Variants in PDPR observed in about 807,000 individuals in gnomAD.
PDPR encodes the protein pyruvate dehydrogenase phosphatase regulatory subunit, mitochondrial.
PDPR carries 50 observed loss-of-function variants against 102.2 expected under a neutral mutation model. That is an observed-to-expected ratio of 0.49 (90% CI 0.39 to 0.62). The LOEUF is 0.62. Ranked by LOEUF, PDPR falls within the 20% of genes least tolerant of loss-of-function variation. The pLI, the probability that PDPR is intolerant of heterozygous loss-of-function variation, is 0.00. For missense variants in PDPR, 625 were observed against 1,098.2 expected, an observed-to-expected ratio of 0.57 and a Z score of 6.09; for synonymous variants, 259 against 406.0, an observed-to-expected ratio of 0.64 and a Z score of 4.35.
Position 70,153,437 on chromosome 16 carries a change from AC to A in PDPR, c.2100del (p.Tyr700Ter), listed in dbSNP as rs1302946117. ...YNEVMSVGQK[Y>X]GIRNAGYYAL... ...GAAGTGATGAGTGTTGGCCAGAAAT[AC>A]GGAATCCGGAATGCTGGGTATTACG... is the stretch of plus-strand genomic sequence containing the variant. On this transcript the variant is annotated frameshift_variant, in exon 18 of 19. Transcript: ENST00000288050. LOFTEE classifies it high-confidence loss of function. The A allele has an allele frequency of 6.2e-7, 1 of 1,613,958 alleles. No homozygotes were observed. Among genetic ancestry groups the A allele is most frequent in the Non-Finnish European group, 8.5e-7 (1 of 1,179,872 alleles).
rs574798043 is a variant in PDPR at position 70,130,627 on chromosome 16, T to G, written c.729+83T>G. On this transcript the variant is annotated intron_variant, in intron 7 of 18. Transcript: ENST00000288050. Reference sequence around the variant, plus strand: ...GTGTAGAGAAGTAAGATTAGTATTGTGATTGGTTATACAGATATCAGTAAC... The same window carrying G: ...GTGTAGAGAAGTAAGATTAGTATTGGGATTGGTTATACAGATATCAGTAAC... The G allele has an allele frequency of 1.5e-3, 2,335 of 1,547,214 alleles. No individual in the cohort carries two copies. In the African/African-American group the frequency reaches 0.028, roughly 19 times the overall value.
chr16:70,143,717 T>TGTA (rs2152107568), intron 14 of PDPR, 59 bp downstream of exon 14: 2 of 1,562,418 alleles, frequency 1.3e-6, no homozygotes, highest in African/African-American at 2.7e-5. Flanking sequence ...TTAGGGGTGC[T>TGTA]GTAGCAGAGG....
chr16:70,156,683 G>T lies in PDPR; in HGVS notation c.2444G>T (p.Gly815Val). 6.2e-7 allele frequency: 1 copy of T among 1,614,024 alleles called. No homozygotes were observed. Among genetic ancestry groups the T allele is most frequent in the Non-Finnish European group, 8.5e-7 (1 of 1,179,914 alleles). ...AGCCTGGAGCGCCACGTTTGCCTGG[G>T]CTTTGTGCACAATTTTTCTGAGGAC... ...SYSLERHVCL[G>V]FVHNFSEDTG... Residue 815 changes from glycine (G) to valine (V), a missense_variant, in exon 19 of 19, where the codon GGC becomes GTC. Physicochemically the swap from Gly to Val is moderately radical, Grantham distance 109. Coordinates refer to ENST00000288050, the MANE Select transcript of PDPR (RefSeq NM_017990.5).
intron 2 of PDPR, among the ~76,000 whole-genome samples, chr16:70,117,585 G>T (rs1962776273): frequency 1.3e-5 from 2 of 152,102 alleles, no homozygotes; most frequent in East Asian, 3.9e-4. Flanking sequence ...GGGGAGAGGT[G>T]GCAGGAACCA....
At position 70,150,273 on chromosome 16, in the gene PDPR, T is replaced by G. The variant is rs554489049; in HGVS notation, c.2052+1720T>G. On this transcript the variant is annotated intron_variant, in intron 17 of 18. Coordinates refer to ENST00000288050, the MANE Select transcript of PDPR (RefSeq NM_017990.5). ...CGCCTGCCACCACACCCGACTAATT[T>G]TTGTATTTTTAGTAGAGACAGGATT... Among the ~76,000 whole-genome samples the G allele has an allele frequency of 1.8e-4, 27 of 152,028 alleles. 1 individual carries two copies. Among genetic ancestry groups the G allele is most frequent in the Non-Finnish European group, 2.6e-4 (18 of 67,994 alleles).
intron 10 of PDPR, among the ~76,000 whole-genome samples, chr16:70,136,821 C>T (rs1209935664): frequency 1.3e-5 from 2 of 152,220 alleles, no homozygotes; most frequent in East Asian, 1.9e-4. Flanking sequence ...CAGGTCACTG[C>T]AACCTCCACC....
intron 2 of PDPR, chr16:70,120,250 C>G (rs560359278): frequency 2.8e-5 from 12 of 436,342 alleles, no homozygotes. Flanking sequence ...CGGGGTTTCA[C>G]TGTGTTAGCC....
intron 3 of PDPR, among the ~76,000 whole-genome samples, chr16:70,124,841 A>G (rs1279863373): frequency 2.6e-5 from 4 of 152,250 alleles, no homozygotes; most frequent in Non-Finnish European, 5.9e-5. Context: ...AACTCAAGTG[A>G]CAGGCATGCT....
In PDPR at chr16:70,159,504, T is replaced by G. The variant is rs1486146836; in HGVS notation, c.*2625T>G. ...GATTTCTCTTCTAGCACTTTAGAGT[T>G]GATCCTTGAAGTCTCTCCTGGTTCA... On this transcript the variant is annotated 3_prime_UTR_variant, in exon 19 of 19. Coordinates refer to ENST00000288050, the MANE Select transcript of PDPR (RefSeq NM_017990.5). 6.5e-6 allele frequency: 1 copy of G among 152,816 alleles called. No individual in the cohort carries two copies. The highest frequency in any genetic ancestry group is 2.4e-5 in the African/African-American group (1 of 41,498). The allele number at this position is 152,816 out of a possible 1,614,324, so 9.5% of individuals were successfully genotyped here.
At chr16:70,121,689 CAAA>C (rs145401299) in intron 3 of PDPR, among the ~76,000 whole-genome samples, 1 of 141,210 alleles carries the variant, frequency 7.1e-6, no homozygotes, top group Admixed American at 7.4e-5. Flanking sequence ...GAGACTGTCT[CAAA>C]AAAAAAAAAA....
At chr16:70,127,623 A>C (rs1343118261) in intron 4 of PDPR, among the ~76,000 whole-genome samples, 2 of 152,232 alleles carry the variant, frequency 1.3e-5, no homozygotes, top group East Asian at 1.9e-4. Context: ...CCCCGTCTCT[A>C]CTAAGAAATT....
intron 3 of PDPR, among the ~76,000 whole-genome samples, chr16:70,121,034 C>T (rs994913379): frequency 1.3e-5 from 2 of 149,538 alleles, no homozygotes; most frequent in Admixed American, 1.4e-4. Context: ...AAGCAGTCCT[C>T]CCACCTTGGC....
chr16:70,127,016 G>A (rs561740883), intron 3 of PDPR, among the ~76,000 whole-genome samples: 1 of 152,372 alleles, frequency 6.6e-6, no homozygotes, highest in South Asian at 2.1e-4. Flanking sequence ...GGCTAATTTT[G>A]TTGTTGTTGT....
intron 11 of PDPR, among the ~76,000 whole-genome samples, chr16:70,141,918 G>A (rs1241699417): frequency 6.6e-6 from 1 of 152,276 alleles, no homozygotes; most frequent in East Asian, 1.9e-4. Flanking sequence ...TGACCAACAT[G>A]GAGAAACCCT....
At chr16:70,155,882 A>G (rs1967118923) in intron 18 of PDPR, among the ~76,000 whole-genome samples, 1 of 149,090 alleles carries the variant, frequency 6.7e-6, no homozygotes, top group African/African-American at 2.5e-5. Flanking sequence ...GGCTCACTGC[A>G]GCCTCTGCCA....
rs1240622445 is a variant in PDPR at position 70,160,095 on chromosome 16, T to C, written c.*3216T>C. 1 of 152,638 alleles carries C rather than the reference T, an allele frequency of 6.6e-6. No individual in the cohort carries two copies. The highest frequency in any genetic ancestry group is 1.5e-5 in the Non-Finnish European group (1 of 68,294). 9.5% of individuals were successfully genotyped at this position (152,638 alleles called of 1,614,324 possible). A position where few individuals can be genotyped will look rare whatever the true frequency, so the allele number is the denominator to read the frequency against. ...GCCATCTGAACCTAGGAACACAAAGTATATTGGCCTCAAACGGAGACCCAG... is the reference window on the plus strand; with the variant it reads ...GCCATCTGAACCTAGGAACACAAAGCATATTGGCCTCAAACGGAGACCCAG... On this transcript the variant is annotated 3_prime_UTR_variant, in exon 19 of 19. Coordinates refer to ENST00000288050, the MANE Select transcript of PDPR (RefSeq NM_017990.5).
Position 70,130,531 on chromosome 16 carries a change from A to C in PDPR, c.716A>C (p.Asn239Thr), listed in dbSNP as rs778201395. The C allele has an allele frequency of 2.5e-6, 4 of 1,614,056 alleles. No individual in the cohort carries two copies. Among genetic ancestry groups the C allele is most frequent in the Admixed American group, 3.3e-5 (2 of 60,028 alleles). ...CAGATTGAATGCCAGTATTTTGTCAACTGTGCTGGCCAGGTAGGTCAGCAC... is the reference window on the plus strand; with the variant it reads ...CAGATTGAATGCCAGTATTTTGTCACCTGTGCTGGCCAGGTAGGTCAGCAC... ...KGQIECQYFV[N>T]CAGQWAYELG... The change falls in exon 7 of 19, where the codon AAC becomes ACC. Residue 239 changes from asparagine (N) to threonine (T), a missense_variant. Transcript: ENST00000288050.
At chr16:70,120,216 A>C in intron 2 of PDPR, 1 of 358,338 alleles carries the variant, frequency 2.8e-6, no homozygotes, top group Non-Finnish European at 5.4e-6. Context: ...CGCCCAGCCT[A>C]AGTTTTTGAA....
Position 70,152,178 on chromosome 16 carries a change from C to T in PDPR, c.2053-1213C>T, listed in dbSNP as rs576469205. Among the ~76,000 whole-genome samples, 3 of 152,398 alleles carry T rather than the reference C, an allele frequency of 2.0e-5. No homozygotes were observed. The East Asian group carries it at 5.8e-4, about 29-fold the overall frequency. On this transcript the variant is annotated intron_variant, in intron 17 of 18. Transcript: ENST00000288050. ...TTCAGGTGTTTCCCTTACACACATA[C>T]CACAGGCGAGTGTTGCATGCAATAG...
Sources: allele counts gnomAD v4.1 joint callset (sites outside exome capture counted in the v4.1 genomes callset), GRCh38; gene constraint gnomAD v4.1.1; transcripts MANE v1.5; gene names NCBI Gene and HGNC (gene_info 2026-07-23, HGNC 2026-07-21).